Variants in NRG1 observed in about 807,000 individuals in gnomAD.
NRG1 encodes neuregulin 1.
A neutral mutation model predicts 63.8 loss-of-function variants in NRG1; 18 were observed. The observed-to-expected ratio is 0.28, with a 90% CI of 0.19 to 0.42. The LOEUF is 0.42. NRG1 is among the 10% of genes least tolerant of loss of function. The pLI, the probability that NRG1 is intolerant of heterozygous loss-of-function variation, is 1.00. For synonymous variants in NRG1, 302 were observed against 301.3 expected (o/e 1.00, Z -0.02); for missense variants, 762 against 814.7 (o/e 0.94, Z 0.79).
intron 6 of NRG1, among the ~76,000 whole-genome samples, chr8:32,732,575 C>T (rs887528083): frequency 9.9e-5 from 15 of 152,182 alleles, no homozygotes; most frequent in Admixed American, 6.5e-4. Flanking sequence ...ACTCTCTGGA[C>T]AATATATTTA....
chr8:32,760,126 T>G, intron 10 of NRG1, 74 bp from the exon 11 acceptor site: 1 of 1,541,582 alleles, frequency 6.5e-7, no homozygotes, highest in Non-Finnish European at 8.9e-7. Context: ...TCAGAATCCA[T>G]TCCTTTCATT....
intron 1 of NRG1, among the ~76,000 whole-genome samples, chr8:32,121,856 C>T (rs1833497521): frequency 6.6e-6 from 1 of 151,754 alleles, no homozygotes; most frequent in African/African-American, 2.4e-5. Flanking sequence ...TTAATTTTGT[C>T]CAAATAAAAA....
At chr8:32,626,791 C>T (rs1007983071) in intron 5 of NRG1, among the ~76,000 whole-genome samples, 5 of 152,048 alleles carry the variant, frequency 3.3e-5, no homozygotes, top group African/African-American at 1.2e-4. Flanking sequence ...GAGGCCAAGG[C>T]GGGCGGATCA....
At chr8:31,853,476 T>A (rs1288585801) in intron 1 of NRG1, among the ~76,000 whole-genome samples, 1 of 150,306 alleles carries the variant, frequency 6.7e-6, no homozygotes, top group Admixed American at 6.6e-5. Flanking sequence ...CCTGAGACTT[T>A]GCTGAAGTTG....
intron 1 of NRG1, among the ~76,000 whole-genome samples, chr8:32,389,958 CCATG>C (rs1811515164): frequency 6.6e-6 from 1 of 152,074 alleles, no homozygotes; most frequent in South Asian, 2.1e-4. Context: ...GAGGGTTTCA[CCATG>C]TTGGCCAAAC....
chr8:31,877,371 T>C (rs2129612288), intron 1 of NRG1, among the ~76,000 whole-genome samples: 1 of 152,228 alleles, frequency 6.6e-6, no homozygotes, highest in Non-Finnish European at 1.5e-5. Context: ...ACCTTAAGAA[T>C]CATCCACTTC....
intron 1 of NRG1, among the ~76,000 whole-genome samples, chr8:32,209,645 C>G (rs976870141): frequency 4.6e-5 from 7 of 152,274 alleles, no homozygotes; most frequent in Non-Finnish European, 7.4e-5. Context: ...TTGCTTTTAT[C>G]AAATGAGCAA....
intron 1 of NRG1, among the ~76,000 whole-genome samples, chr8:32,423,758 T>A (rs1013196439): frequency 6.6e-6 from 1 of 152,132 alleles, no homozygotes; most frequent in Non-Finnish European, 1.5e-5. Context: ...CACCATACAC[T>A]TATTCCTTTC....
intron 1 of NRG1, among the ~76,000 whole-genome samples, chr8:32,305,170 AT>A (rs976129466): frequency 7.2e-5 from 11 of 152,096 alleles, no homozygotes; most frequent in African/African-American, 2.4e-4. Flanking sequence ...ATAAGACTGT[AT>A]TTTTTTAAAT....
chr8:31,853,219 G>A lies in NRG1; in HGVS notation c.37+213788G>A, dbSNP rs143905813. Among the ~76,000 whole-genome samples, 586 of 152,178 alleles carry A rather than the reference G, an allele frequency of 3.9e-3. 1 individual carries two copies. Among genetic ancestry groups the A allele is most frequent in the Middle Eastern group, 0.024 (7 of 294 alleles). ...CCTTAGGCAGTAAGGTCATTTTCACGATATTGATTCTTCCTACCCATGAGC... is the reference window on the plus strand; with the variant it reads ...CCTTAGGCAGTAAGGTCATTTTCACAATATTGATTCTTCCTACCCATGAGC... On this transcript the variant is annotated intron_variant, in intron 1 of 10. Transcript: ENST00000519301.
chr8:32,130,508 A>T (rs1444482703), intron 1 of NRG1, among the ~76,000 whole-genome samples: 1 of 151,898 alleles, frequency 6.6e-6, no homozygotes, highest in East Asian at 1.9e-4. Context: ...ATTTAATTCC[A>T]GGCATTACCC....
intron 1 of NRG1, among the ~76,000 whole-genome samples, chr8:32,309,011 G>T (rs1856526809): frequency 6.6e-6 from 1 of 152,190 alleles, no homozygotes; most frequent in African/African-American, 2.4e-5. Flanking sequence ...TCTGGTGGCT[G>T]CCTTCTTGAC....
rs148567947 is a variant in NRG1 at position 31,778,838 on chromosome 8, G to A, written c.37+139407G>A. On this transcript the variant is annotated intron_variant, in intron 1 of 10. Coordinates refer to the NRG1 transcript ENST00000519301. ...CTACCCCTAAAACAGTGCATGTGCA[G>A]GAGGACTGTTATTGCTGTGCTTTGG... is the stretch of plus-strand genomic sequence containing the variant. 3.4e-4 allele frequency among the ~76,000 whole-genome samples: 52 copies of A among 152,338 alleles called. No homozygotes were observed. In the East Asian group the frequency reaches 7.5e-3, roughly 22 times the overall value.
chr8:32,672,205 C>A (rs1274430323), intron 5 of NRG1, among the ~76,000 whole-genome samples: 3 of 152,018 alleles, frequency 2.0e-5, no homozygotes, highest in Non-Finnish European at 4.4e-5. Flanking sequence ...CCACCACGCC[C>A]CACTAATTTT....
chr8:32,084,811 G>A (rs1326517673), intron 1 of NRG1, among the ~76,000 whole-genome samples: 2 of 152,168 alleles, frequency 1.3e-5, no homozygotes, highest in African/African-American at 2.4e-5. Context: ...GATCAGAAAT[G>A]AGGGATGAGA....
intron 1 of NRG1, among the ~76,000 whole-genome samples, chr8:31,955,539 G>A (rs894060685): frequency 6.6e-6 from 1 of 152,172 alleles, no homozygotes; most frequent in Non-Finnish European, 1.5e-5. Flanking sequence ...TGATCAACAA[G>A]GTAGATCTGG....
At chr8:31,885,001 G>A (rs1830613702) in intron 1 of NRG1, among the ~76,000 whole-genome samples, 1 of 152,034 alleles carries the variant, frequency 6.6e-6, no homozygotes, top group Admixed American at 6.6e-5. Flanking sequence ...ATGCTTGGTG[G>A]GTATGGAGTT....
At position 32,296,918 on chromosome 8, in the gene NRG1, C is replaced by A. The variant is rs1854956559; in HGVS notation, c.38-298910C>A. 2.0e-5 allele frequency among the ~76,000 whole-genome samples: 3 copies of A among 152,012 alleles called. 1 individual carries two copies. Among genetic ancestry groups the A allele is most frequent in the African/African-American group, 7.2e-5 (3 of 41,410 alleles). On this transcript the variant is annotated intron_variant, in intron 1 of 10. Transcript: ENST00000519301. ...GATCACAAGGTCAAGAGATCGAAAC[C>A]ATCCTGGCCAACATGATGAAACCCC...
At chr8:32,393,554 T>TA (rs1812049049) in intron 1 of NRG1, among the ~76,000 whole-genome samples, 1 of 152,112 alleles carries the variant, frequency 6.6e-6, no homozygotes, top group Admixed American at 6.6e-5. Context: ...TATGCAGCCA[T>TA]AAAAAGAACA....
Sources: gnomAD v4.1 joint callset for allele counts (sites outside exome capture counted in the v4.1 genomes callset) on GRCh38, gnomAD v4.1.1 for gene constraint, MANE v1.5 for transcripts, NCBI Gene and HGNC (gene_info 2026-07-23, HGNC 2026-07-21) for gene names.